CTNNA2: variants seen among roughly 807,000 people sequenced by gnomAD.
The protein encoded by CTNNA2 is catenin alpha 2, also known as catenin alpha-2.
CTNNA2 carries 42 observed loss-of-function variants against 101.0 expected under a neutral mutation model. The ratio of observed to expected loss-of-function variants is 0.42; its 90% CI spans 0.32 to 0.54. The LOEUF (loss-of-function observed/expected upper bound fraction) is 0.54. Among genes scored for constraint, CTNNA2 ranks in the 20% least tolerant of loss-of-function variants. The probability of loss-of-function intolerance (pLI) is 0.14; values close to 1 mark genes in which losing one functional copy is unlikely to be tolerated. For synonymous variants in CTNNA2, 450 were observed against 456.4 expected (o/e 0.99, Z 0.18); for missense variants, 871 against 1,223.1 (o/e 0.71, Z 4.29).
At chr2:79,884,956 G>A (rs1476327446) in intron 6 of CTNNA2, among the ~76,000 whole-genome samples, 2 of 152,040 alleles carry the variant, frequency 1.3e-5, no homozygotes, top group Non-Finnish European at 2.9e-5. Context: ...GGGAGCACGG[G>A]CCATGCTTCT....
At chr2:79,255,165 T>C (rs1298918832) in intron 2 of CTNNA2, among the ~76,000 whole-genome samples, 4 of 152,220 alleles carry the variant, frequency 2.6e-5, no homozygotes, top group Non-Finnish European at 5.9e-5. Flanking sequence ...AGTAGAATTA[T>C]ATGTATTTTC....
intron 9 of CTNNA2, among the ~76,000 whole-genome samples, chr2:80,464,150 T>G (rs1684669572): frequency 6.6e-6 from 1 of 152,152 alleles, no homozygotes; most frequent in Non-Finnish European, 1.5e-5. Context: ...GAATTCTAGT[T>G]GATCTTATCC....
intron 7 of CTNNA2, among the ~76,000 whole-genome samples, chr2:79,933,590 G>T (rs1024542228): frequency 2.0e-5 from 3 of 151,978 alleles, no homozygotes; most frequent in Non-Finnish European, 4.4e-5. Context: ...TAGTAGCCAG[G>T]ATTACAGGCA....
chr2:79,981,402 T>C (rs139927367), intron 7 of CTNNA2, among the ~76,000 whole-genome samples: 444 of 152,292 alleles, frequency 2.9e-3, no homozygotes, highest in Non-Finnish European at 4.9e-3. Context: ...TCCCAAGTTA[T>C]GGTGGGAGAA....
chr2:79,607,005 A>G (rs543489787), intron 1 of CTNNA2, among the ~76,000 whole-genome samples: 1 of 152,200 alleles, frequency 6.6e-6, no homozygotes, highest in African/African-American at 2.4e-5. Flanking sequence ...AGAGTATCAG[A>G]TTGTATATAA....
chr2:79,798,576 T>A (rs993975142), intron 3 of CTNNA2, among the ~76,000 whole-genome samples: 16 of 143,230 alleles, frequency 1.1e-4, no homozygotes, highest in Non-Finnish European at 1.8e-4. Context: ...TTTTTTTTTT[T>A]TTTTTTACAA....
At chr2:80,572,586 T>C (rs923616078) in intron 12 of CTNNA2, 47 of 152,230 alleles carry the variant, frequency 3.1e-4, no homozygotes, top group African/African-American at 1.0e-3. Context: ...TATTCTCAAA[T>C]TCTAATATGT....
At chr2:80,438,998 G>T (rs533671350) in intron 9 of CTNNA2, among the ~76,000 whole-genome samples, 122 of 152,272 alleles carry the variant, frequency 8.0e-4, no homozygotes, top group African/African-American at 2.6e-3. Context: ...GCTGCTGAGG[G>T]AATAGCTATT....
intron 3 of CTNNA2, among the ~76,000 whole-genome samples, chr2:79,755,861 A>T (rs749960647): frequency 6.6e-6 from 1 of 152,206 alleles, no homozygotes; most frequent in Non-Finnish European, 1.5e-5. Flanking sequence ...AAATACCAAA[A>T]AACCTAGAGA....
intron 7 of CTNNA2, among the ~76,000 whole-genome samples, chr2:80,146,711 T>TG (rs1491543879): frequency 3.6e-5 from 1 of 27,902 alleles, no homozygotes; most frequent in Non-Finnish European, 6.7e-5. Context: ...TCCCCTCTGG[T>TG]TTTTTTTTTT....
chr2:79,833,890 C>A (rs1216210538), intron 3 of CTNNA2, among the ~76,000 whole-genome samples: 2 of 151,902 alleles, frequency 1.3e-5, no homozygotes, highest in Non-Finnish European at 2.9e-5. Flanking sequence ...TATCGTTTAC[C>A]ATTTGCACTT....
At chr2:80,164,950 T>TTTTTGTTTTG (rs58426814) in intron 7 of CTNNA2, among the ~76,000 whole-genome samples, 2,158 of 148,764 alleles carry the variant, frequency 0.015, 39 homozygotes, top group African/African-American at 0.049. Flanking sequence ...TTTTTTTTTT[T>TTTTTGTTTTG]TTTTTTTCTA....
chr2:80,337,616 A>ACAC (rs1559021396), intron 7 of CTNNA2, among the ~76,000 whole-genome samples: 2 of 151,496 alleles, frequency 1.3e-5, no homozygotes, highest in Non-Finnish European at 2.9e-5. Context: ...CACACACACA[A>ACAC]ATACACACAC....
At chr2:80,611,806 T>C (rs1698488792) in intron 17 of CTNNA2, among the ~76,000 whole-genome samples, 1 of 151,586 alleles carries the variant, frequency 6.6e-6, no homozygotes, top group Admixed American at 6.6e-5. Context: ...CTAAACTGTT[T>C]TTTTAAAGTT....
chr2:80,188,301 G>A, intron 7 of CTNNA2, among the ~76,000 whole-genome samples: 1 of 152,142 alleles, frequency 6.6e-6, no homozygotes, highest in East Asian at 1.9e-4. Context: ...TACAAAATAA[G>A]AAGATTTTTT....
At chr2:79,513,452 C>G (rs1294216468) in intron 1 of CTNNA2, among the ~76,000 whole-genome samples, 1 of 152,114 alleles carries the variant, frequency 6.6e-6, no homozygotes, top group African/African-American at 2.4e-5. Flanking sequence ...AGCCACTCGC[C>G]CTAGAGCACA....
At chr2:80,502,502 A>T (rs1377824889) in intron 9 of CTNNA2, among the ~76,000 whole-genome samples, 1 of 152,212 alleles carries the variant, frequency 6.6e-6, no homozygotes. Flanking sequence ...GACAAATTAC[A>T]AGAAAGCACT....
intron 7 of CTNNA2, among the ~76,000 whole-genome samples, chr2:80,271,051 C>G (rs966307851): frequency 5.3e-5 from 8 of 152,126 alleles, no homozygotes; most frequent in African/African-American, 1.9e-4. Context: ...ATTTCTCAAT[C>G]CCAATCCTGT....
intron 7 of CTNNA2, among the ~76,000 whole-genome samples, chr2:80,221,194 T>TA (rs1412046949): frequency 5.9e-5 from 9 of 152,346 alleles, no homozygotes; most frequent in African/African-American, 2.2e-4. Flanking sequence ...TTCCCGTTTT[T>TA]ATTAAAGACT....
Sources: allele counts gnomAD v4.1 joint callset (sites outside exome capture counted in the v4.1 genomes callset), GRCh38; gene constraint gnomAD v4.1.1; transcripts MANE v1.5; gene names NCBI Gene and HGNC (gene_info 2026-07-23, HGNC 2026-07-21).